Variants in COA6 observed in about 807,000 individuals in gnomAD.
The protein encoded by COA6 is cytochrome c oxidase assembly factor 6, also known as cytochrome c oxidase assembly factor 6 homolog.
A neutral mutation model predicts 17.1 loss-of-function variants in COA6; 12 were observed. The observed-to-expected ratio is 0.70, with a 90% CI of 0.45 to 1.14. COA6 has a LOEUF of 1.14. Ranked by LOEUF, COA6 falls within the 50% of genes most tolerant of loss-of-function variation. The pLI is 0.00. For missense variants in COA6, 246 were observed against 196.5 expected (o/e 1.25, Z -1.51); for synonymous variants, 90 against 73.4 (o/e 1.23, Z -1.16).
intron 1 of COA6, 45 bp downstream of exon 1, chr1:234,373,723 G>A (rs770481504): frequency 1.5e-5 from 24 of 1,613,928 alleles, no homozygotes; most frequent in Non-Finnish European, 1.7e-5. Flanking sequence ...TGGACTATGG[G>A]CCCGGGAGGT....
chr1:234,376,958 G>C (rs1658817059), intron 2 of COA6, among the ~76,000 whole-genome samples: 1 of 151,976 alleles, frequency 6.6e-6, no homozygotes, highest in Non-Finnish European at 1.5e-5. Context: ...ATTTCTCATA[G>C]TGTTGGAGGC....
At position 234,373,569 on chromosome 1, in the gene COA6, C is replaced by A. The variant is rs755876952; in HGVS notation, c.103C>A (p.Pro35Thr). The change falls in exon 1 of 3, where the codon CCC becomes ACC. Residue 35 changes from proline to threonine, a missense_variant. Transcript: ENST00000366615. ...TCTAGAGCTTGAGCCAGCGGGGCGA[C>A]CCTGCAGTGGCAGGACTCGGCACCG... ...TLLELEPAGR[P>T]CSGRTRHRAL... 2 of 1,612,352 alleles carry A rather than the reference C, an allele frequency of 1.2e-6. No homozygotes were observed. Among genetic ancestry groups the A allele is most frequent in the East Asian group, 2.2e-5 (1 of 44,864 alleles).
intron 2 of COA6, 56 bp downstream of exon 2, chr1:234,374,445 T>C (rs1658726081): frequency 6.4e-7 from 1 of 1,569,526 alleles, no homozygotes; most frequent in African/African-American, 1.4e-5. Context: ...GAGCTTATAC[T>C]GTGAGTGGTA....
rs1558127261 is a variant in COA6 at position 234,384,017 on chromosome 1, GA to G, written c.*206del. The G allele has an allele frequency of 4.7e-6, 2 of 428,332 alleles. No homozygotes were observed. Among genetic ancestry groups the G allele is most frequent in the Non-Finnish European group, 8.5e-6 (2 of 235,290 alleles). 26.5% of individuals were successfully genotyped at this position (428,332 alleles called of 1,614,324 possible). On this transcript the variant is annotated 3_prime_UTR_variant, in exon 3 of 3. Transcript: ENST00000366615. ...ATTTAGTAAGAAATCTCTATTTTAA[GA>G]AAAAAAGTAAAACCTGTTATAAACA... is the stretch of plus-strand genomic sequence containing the variant.
chr1:234,377,395 G>A (rs534077700), intron 2 of COA6, among the ~76,000 whole-genome samples: 1 of 152,164 alleles, frequency 6.6e-6, no homozygotes, highest in African/African-American at 2.4e-5. Context: ...AAAGTGCTGG[G>A]ATTACAGGCA....
At position 234,383,887 on chromosome 1, in the gene COA6, T is replaced by G. The variant is rs550353555; in HGVS notation, c.*69T>G. 11 of 771,208 alleles carry G rather than the reference T, an allele frequency of 1.4e-5. No individual in the cohort carries two copies. Among genetic ancestry groups the G allele is most frequent in the Admixed American group, 1.2e-4 (5 of 41,242 alleles). 47.8% of individuals were successfully genotyped at this position (771,208 alleles called of 1,614,324 possible). On this transcript the variant is annotated 3_prime_UTR_variant, in exon 3 of 3. Transcript: ENST00000366615. ...AGCTCCACTGACTATGGAACAGTAA[T>G]AGTTTGAATCATAGTGAACATCAAT...
chr1:234,374,336 T>C lies in COA6; in HGVS notation c.319T>C (p.Ser107Pro). 6 of 1,614,070 alleles carry C rather than the reference T, an allele frequency of 3.7e-6. No individual in the cohort carries two copies. Among genetic ancestry groups the C allele is most frequent in the Non-Finnish European group, 5.1e-6 (6 of 1,180,008 alleles). The change falls in exon 2 of 3, where the codon TCT (serine) becomes CCT (proline). Residue 107 changes from serine (S) to proline (P), a missense_variant. Ser to Pro is a moderately conservative substitution (Grantham distance 74). Coordinates refer to ENST00000366615, the MANE Select transcript of COA6 (RefSeq NM_001206641.3). ...TTTAGATGAGAACTTAGAGGATGCT[T>C]CTCAATGCAAGAAGTTAAGAAGCTC... ...KCLDENLEDA[S>P]QCKKLRSSFE... is the part of the protein sequence containing the mutation.
intron 1 of COA6, 61 bp downstream of exon 1, chr1:234,373,739 A>G (rs771598992): frequency 6.2e-7 from 1 of 1,613,732 alleles, no homozygotes; most frequent in Admixed American, 1.7e-5. Context: ...GAGGTCCCTT[A>G]CTGTCCCCGA....
intron 2 of COA6, among the ~76,000 whole-genome samples, chr1:234,383,066 GGGA>G: frequency 6.9e-6 from 1 of 144,206 alleles, no homozygotes; most frequent in Non-Finnish European, 1.5e-5. Context: ...GAGGGAGGGA[GGGA>G]AGGGAATGGA....
At chr1:234,381,492 C>A (rs561895908) in intron 2 of COA6, among the ~76,000 whole-genome samples, 1 of 152,092 alleles carries the variant, frequency 6.6e-6, no homozygotes, top group African/African-American at 2.4e-5. Flanking sequence ...TGGACAGGGG[C>A]GCAGGGATGA....
rs1257791256 is a variant in COA6, at chr1:234,377,059, CGAGAGAGAGAGAGAG to C, written c.372+2671_372+2685del. On this transcript the variant is annotated intron_variant, in intron 2 of 2. Transcript: ENST00000366615. ...GACAGCTACCTTCTTGCTGTGTTGC[CGAGAGAGAGAGAGAG>C]AGAGAGAGAGAGAGAGAGAGAGAGA... Among the ~76,000 whole-genome samples, 48 of 82,640 alleles carry C rather than the reference CGAGAGAGAGAGAGAG, an allele frequency of 5.8e-4. 3 individuals carry two copies. The highest frequency in any genetic ancestry group is 1.7e-3 in the African/African-American group (29 of 16,682). 54.2% of individuals were successfully genotyped at this position (82,640 alleles called of 152,430 possible).
intron 2 of COA6, among the ~76,000 whole-genome samples, chr1:234,380,898 G>C (rs1307444204): frequency 6.6e-6 from 1 of 152,188 alleles, no homozygotes; most frequent in Non-Finnish European, 1.5e-5. Flanking sequence ...TACTCGGGAG[G>C]CTGAGTCAGG....
intron 2 of COA6, among the ~76,000 whole-genome samples, chr1:234,380,408 CA>C (rs1401389409): frequency 6.6e-6 from 1 of 152,106 alleles, no homozygotes; most frequent in Admixed American, 6.5e-5. Context: ...AACTAAGGTT[CA>C]GAAAGGTAAA....
chr1:234,380,294 T>C (rs960840757), intron 2 of COA6, among the ~76,000 whole-genome samples: 3 of 152,214 alleles, frequency 2.0e-5, no homozygotes, highest in African/African-American at 7.2e-5. Context: ...GGCAAGTAAA[T>C]GGAAATCTCT....
At chr1:234,375,057 A>C (rs1301543268) in intron 2 of COA6, among the ~76,000 whole-genome samples, 1 of 151,134 alleles carries the variant, frequency 6.6e-6, no homozygotes, top group African/African-American at 2.4e-5. Context: ...TGGGAGGCTG[A>C]GGCGGGCAGA....
intron 2 of COA6, among the ~76,000 whole-genome samples, chr1:234,376,516 A>G (rs1658799015): frequency 6.6e-6 from 1 of 152,190 alleles, no homozygotes; most frequent in South Asian, 2.1e-4. Flanking sequence ...GCGGTTTTAT[A>G]GGTAAGGGCA....
chr1:234,373,713 T>G (rs985273305), intron 1 of COA6, 35 bp downstream of exon 1: 8 of 1,613,686 alleles, frequency 5.0e-6, no homozygotes, highest in Non-Finnish European at 6.8e-6. Context: ...GGGGCGCGCG[T>G]GGACTATGGG....
rs554632402 is a variant in COA6, at chr1:234,373,595, C to T, written c.129C>T (p.Arg43=). Residue 43 remains arginine (R), a synonymous_variant, in exon 1 of 3, where the codon CGC becomes CGT. Transcript: ENST00000366615. ...CCTGCAGTGGCAGGACTCGGCACCG[C>T]GCCCTCCACCGCCGGTTGGTGGCCT... is the stretch of plus-strand genomic sequence containing the variant. ...GRPCSGRTRH[R]ALHRRLVACV... is the part of the protein sequence containing the mutation. 3.1e-6 allele frequency: 5 copies of T among 1,612,380 alleles called. No individual in the cohort carries two copies. The highest frequency in any genetic ancestry group is 3.4e-6 in the Non-Finnish European group (4 of 1,179,490).
At chr1:234,373,828 C>G (rs1308160518) in intron 1 of COA6, 150 bp downstream of exon 1, 12 of 1,613,586 alleles carry the variant, frequency 7.4e-6, no homozygotes, top group Non-Finnish European at 9.3e-6. Context: ...ACACCTGTTT[C>G]TACAGCGCTT....
Sources: allele counts gnomAD v4.1 joint callset (sites outside exome capture counted in the v4.1 genomes callset), GRCh38; gene constraint gnomAD v4.1.1; transcripts MANE v1.5; gene names NCBI Gene and HGNC (gene_info 2026-07-23, HGNC 2026-07-21).